Variants in FHIP1A observed in about 807,000 individuals in gnomAD.
FHIP1A encodes FHF complex subunit HOOK-interacting protein 1A.
Under a neutral mutation model 88.6 loss-of-function variants are expected in FHIP1A, and 61 were observed. The observed-to-expected ratio is 0.69, with a 90% CI of 0.56 to 0.85. The LOEUF (loss-of-function observed/expected upper bound fraction) is 0.85, where lower values mean the gene tolerates loss of function less well. Among genes scored for constraint, FHIP1A ranks in the 40% least tolerant of loss-of-function variants. FHIP1A has a pLI of 0.00. For synonymous variants in FHIP1A, 478 were observed against 496.0 expected, an observed-to-expected ratio of 0.96 and a Z score of 0.48; for missense variants, 1,154 against 1,273.5, an observed-to-expected ratio of 0.91 and a Z score of 1.43.
At position 151,668,739 on chromosome 4, in the gene FHIP1A, G is replaced by A. The variant is rs11723643; in HGVS notation, c.*5985G>A. On this transcript the variant is annotated 3_prime_UTR_variant, in exon 14 of 14. Transcript: ENST00000435205. ...CGAGCTTTTACTGAATACTCCCTCT[G>A]TTAGGTAGCATGCAGAGTGCTAGGG... 0.11 allele frequency among the ~76,000 whole-genome samples: 16,835 copies of A among 152,238 alleles called. 987 individuals carry two copies. The highest frequency in any genetic ancestry group is 0.13 in the African/African-American group (5,238 of 41,540).
intron 13 of FHIP1A, among the ~76,000 whole-genome samples, chr4:151,660,282 T>C (rs573044459): frequency 6.6e-6 from 1 of 152,342 alleles, no homozygotes; most frequent in South Asian, 2.1e-4. Flanking sequence ...TCTGCCTTCA[T>C]TAGTGAAGAC....
chr4:151,426,244 A>C (rs964800333), intron 1 of FHIP1A, among the ~76,000 whole-genome samples: 7 of 152,160 alleles, frequency 4.6e-5, no homozygotes, highest in Non-Finnish European at 1.0e-4. Context: ...TTTCCATAAT[A>C]AAAAACAACA....
At chr4:151,420,443 C>G (rs908241269) in intron 1 of FHIP1A, among the ~76,000 whole-genome samples, 5 of 152,138 alleles carry the variant, frequency 3.3e-5, no homozygotes, top group Admixed American at 3.3e-4. Context: ...CTTCCTTTTT[C>G]CCCATCTTTG....
chr4:151,647,025 G>C (rs1464281007), intron 10 of FHIP1A, among the ~76,000 whole-genome samples: 2 of 152,178 alleles, frequency 1.3e-5, no homozygotes, highest in Non-Finnish European at 2.9e-5. Flanking sequence ...ACGTGTGCTA[G>C]CATGTCTTCG....
chr4:151,426,976 G>GAGCTATT (rs1733400740), intron 1 of FHIP1A, among the ~76,000 whole-genome samples: 1 of 152,082 alleles, frequency 6.6e-6, no homozygotes, highest in Non-Finnish European at 1.5e-5. Context: ...TTTTTTTAAA[G>GAGCTATT]AGCTATTGTG....
chr4:151,601,948 A>G (rs1415324439), intron 7 of FHIP1A, among the ~76,000 whole-genome samples: 1 of 152,022 alleles, frequency 6.6e-6, no homozygotes, highest in Non-Finnish European at 1.5e-5. Context: ...TACATCTTAC[A>G]TGGATGGCGG....
At chr4:151,443,433 A>G (rs1251942321) in intron 1 of FHIP1A, among the ~76,000 whole-genome samples, 1 of 152,068 alleles carries the variant, frequency 6.6e-6, no homozygotes, top group East Asian at 1.9e-4. Flanking sequence ...CTCAGCTACC[A>G]CGCATGCCTG....
In FHIP1A at chr4:151,665,946, C is replaced by T. The variant is rs1245790990; in HGVS notation, c.*3192C>T. On this transcript the variant is annotated 3_prime_UTR_variant, in exon 14 of 14. Coordinates refer to ENST00000435205, the MANE Select transcript of FHIP1A (RefSeq NM_001109977.3). The stretch of plus-strand genomic sequence containing the variant: ...AGAAACCGTGGGTACCGCCCGCTGG[C>T]GCAGCCCCTGAGCTGGCGTCACTGC... Among the ~76,000 whole-genome samples the T allele has an allele frequency of 1.3e-5, 2 of 152,156 alleles. No individual in the cohort carries two copies. Among genetic ancestry groups the T allele is most frequent in the Non-Finnish European group, 2.9e-5 (2 of 68,034 alleles).
intron 7 of FHIP1A, among the ~76,000 whole-genome samples, chr4:151,594,524 T>C (rs747439853): frequency 8.5e-5 from 13 of 152,158 alleles, no homozygotes; most frequent in Admixed American, 3.9e-4. Context: ...GAGGTGTTTA[T>C]AGTATTCTCT....
At chr4:151,504,608 TCATG>T (rs1730766159) in intron 3 of FHIP1A, among the ~76,000 whole-genome samples, 1 of 46,320 alleles carries the variant, frequency 2.2e-5, no homozygotes, top group Non-Finnish European at 5.0e-5. Context: ...TTATGTTATG[TCATG>T]TTATGTTATG....
chr4:151,480,516 C>T (rs1729855628), intron 2 of FHIP1A, among the ~76,000 whole-genome samples: 2 of 152,030 alleles, frequency 1.3e-5, no homozygotes, highest in African/African-American at 4.8e-5. Flanking sequence ...GCCTGTATCT[C>T]TCCAGCACAT....
At chr4:151,481,911 A>G (rs1729909789) in intron 2 of FHIP1A, among the ~76,000 whole-genome samples, 1 of 152,050 alleles carries the variant, frequency 6.6e-6, no homozygotes, top group South Asian at 2.1e-4. Flanking sequence ...CTTCAAGCTC[A>G]TGTTTTTCTG....
rs138997402 is a variant in FHIP1A, at chr4:151,608,142, T to G, written c.978+19216T>G. On this transcript the variant is annotated intron_variant, in intron 7 of 13. Transcript: ENST00000435205. The stretch of plus-strand genomic sequence containing the variant: ...TCACTGCAACCTCTGCCTCCCAGAT[T>G]CAAGCGATTCTCCTGCCTCAGCCTC... 3.0e-3 allele frequency among the ~76,000 whole-genome samples: 436 copies of G among 145,330 alleles called. 3 individuals are homozygous for G. Among genetic ancestry groups the G allele is most frequent in the African/African-American group, 0.011 (419 of 39,786 alleles).
chr4:151,581,601 A>G lies in FHIP1A; in HGVS notation c.732+3525A>G, dbSNP rs113868992. ...CTGACCTTGTTTGCTAGAATGGAACACGAGCTTCATTGTGTTAAGTTGCCC... is the reference window on the plus strand; with the variant it reads ...CTGACCTTGTTTGCTAGAATGGAACGCGAGCTTCATTGTGTTAAGTTGCCC... On this transcript the variant is annotated intron_variant, in intron 5 of 13. Coordinates refer to ENST00000435205, the MANE Select transcript of FHIP1A (RefSeq NM_001109977.3). Among the ~76,000 whole-genome samples, 638 of 152,260 alleles carry G rather than the reference A, an allele frequency of 4.2e-3. 7 individuals are homozygous for G. Among genetic ancestry groups the G allele is most frequent in the African/African-American group, 0.014 (574 of 41,562 alleles).
intron 3 of FHIP1A, among the ~76,000 whole-genome samples, chr4:151,518,290 T>C (rs2126690144): frequency 6.6e-6 from 1 of 152,330 alleles, no homozygotes; most frequent in South Asian, 2.1e-4. Flanking sequence ...TACAGGTTTG[T>C]AGCCTAGGAG....
chr4:151,582,687 A>G (rs1426032256), intron 5 of FHIP1A, among the ~76,000 whole-genome samples: 1 of 152,204 alleles, frequency 6.6e-6, no homozygotes, highest in African/African-American at 2.4e-5. Flanking sequence ...TAAGTGAAAA[A>G]TAAGTGCAAA....
At chr4:151,545,804 T>A (rs574760205) in intron 3 of FHIP1A, among the ~76,000 whole-genome samples, 51 of 152,292 alleles carry the variant, frequency 3.3e-4, no homozygotes, top group African/African-American at 1.2e-3. Context: ...TTAAAAAAAT[T>A]GAAAAAGAAA....
Position 151,656,942 on chromosome 4 carries a change from C to T in FHIP1A, c.2869+44C>T. 1 of 1,525,546 alleles carries T rather than the reference C, an allele frequency of 6.6e-7. No individual in the cohort carries two copies. Among genetic ancestry groups the T allele is most frequent in the Non-Finnish European group, 8.8e-7 (1 of 1,131,648 alleles). 94.5% of individuals were successfully genotyped at this position (1,525,546 alleles called of 1,614,324 possible). ...CAGCGCCCCTCCTTAAATTCCTCCT[C>T]CACGTCCCTGGCCTACTGGCCTCAG... On this transcript the variant is annotated intron_variant, in intron 13 of 13. Coordinates refer to ENST00000435205, the MANE Select transcript of FHIP1A (RefSeq NM_001109977.3). This position sits in a 1 kb window ranked among gnomAD's most constrained non-coding sequence, Gnocchi z 4.2.
chr4:151,577,358 T>G, intron 4 of FHIP1A, 92 bp from the exon 5 acceptor site: 2 of 1,269,260 alleles, frequency 1.6e-6, no homozygotes, highest in Non-Finnish European at 2.1e-6. Context: ...GGCTCCTGCA[T>G]TTTTGGTGAC....
Sources: allele counts gnomAD v4.1 joint callset (sites outside exome capture counted in the v4.1 genomes callset), GRCh38; gene constraint gnomAD v4.1.1; non-coding constraint Gnocchi (gnomAD v3.1); transcripts MANE v1.5; gene names NCBI Gene and HGNC (gene_info 2026-07-23, HGNC 2026-07-21).